Variants in CTNNA3 observed in about 807,000 individuals in gnomAD.
CTNNA3 encodes the protein catenin alpha-3.
In CTNNA3, 76 loss-of-function variants were observed where a neutral mutation model predicts 95.7. That is an observed-to-expected ratio of 0.79 (90% CI 0.66 to 0.96). The LOEUF (loss-of-function observed/expected upper bound fraction) is 0.96. Ranked by LOEUF, CTNNA3 falls within the 40% of genes least tolerant of loss-of-function variation. The pLI, the probability that CTNNA3 is intolerant of heterozygous loss-of-function variation, is 0.00. For synonymous variants in CTNNA3, 431 were observed against 374.4 expected, an observed-to-expected ratio of 1.15 and a Z score of -1.74; for missense variants, 1,191 against 1,089.8, an observed-to-expected ratio of 1.09 and a Z score of -1.31.
intron 13 of CTNNA3, among the ~76,000 whole-genome samples, chr10:66,245,830 C>T (rs2090297159): frequency 6.6e-6 from 1 of 152,230 alleles, no homozygotes; most frequent in African/African-American, 2.4e-5. Context: ...TCTGGTCATA[C>T]TGACATCTCC....
At chr10:66,733,132 T>C (rs989109938) in intron 9 of CTNNA3, among the ~76,000 whole-genome samples, 5 of 152,122 alleles carry the variant, frequency 3.3e-5, no homozygotes, top group Admixed American at 3.3e-4. Flanking sequence ...TCCTTTATTA[T>C]ATTCAAGTAA....
intron 2 of CTNNA3, among the ~76,000 whole-genome samples, chr10:67,609,487 G>A (rs1043793916): frequency 6.6e-6 from 1 of 151,504 alleles, no homozygotes; most frequent in African/African-American, 2.4e-5. Flanking sequence ...GGAAATATGC[G>A]GATGAAAATC....
At position 66,667,705 on chromosome 10, in the gene CTNNA3, C is replaced by G. The variant is rs1846505648; in HGVS notation, c.1282-45921G>C. 5.3e-5 allele frequency among the ~76,000 whole-genome samples: 8 copies of G among 152,130 alleles called. No homozygotes were observed. The South Asian group carries it at 1.7e-3, about 32-fold the overall frequency. On this transcript the variant is annotated intron_variant, in intron 9 of 17. Coordinates refer to ENST00000433211, the MANE Select transcript of CTNNA3 (RefSeq NM_013266.4). The stretch of plus-strand genomic sequence containing the variant: ...TTTAATAATTCTGTGCTGGCTCACT[C>G]TCATTACTTCTTCAATTTATCTATA...
chr10:66,859,550 AC>A (rs1843820580), intron 7 of CTNNA3, among the ~76,000 whole-genome samples: 1 of 151,384 alleles, frequency 6.6e-6, no homozygotes, highest in Admixed American at 6.6e-5. Flanking sequence ...AAATAGGAAC[AC>A]TTTTACACTG....
At chr10:66,247,356 G>A (rs941848674) in intron 13 of CTNNA3, among the ~76,000 whole-genome samples, 2 of 152,122 alleles carry the variant, frequency 1.3e-5, no homozygotes, top group African/African-American at 4.8e-5. Context: ...CTGGGGTTTA[G>A]GGGAATTTGC....
chr10:66,988,675 C>T (rs1372232368), intron 7 of CTNNA3, among the ~76,000 whole-genome samples: 1 of 152,124 alleles, frequency 6.6e-6, no homozygotes, highest in Non-Finnish European at 1.5e-5. Flanking sequence ...ATGTTTAAAA[C>T]CTTTCAGAAC....
At chr10:66,426,156 T>A (rs938023907) in intron 11 of CTNNA3, among the ~76,000 whole-genome samples, 1 of 152,110 alleles carries the variant, frequency 6.6e-6, no homozygotes, top group African/African-American at 2.4e-5. Flanking sequence ...TACTTAGAGC[T>A]ATTATGGTCA....
At chr10:67,490,961 T>C (rs1222282525) in intron 5 of CTNNA3, among the ~76,000 whole-genome samples, 5 of 151,354 alleles carry the variant, frequency 3.3e-5, no homozygotes, top group Non-Finnish European at 7.4e-5. Flanking sequence ...AACAGAAGAG[T>C]TCTAACCAGG....
intron 5 of CTNNA3, among the ~76,000 whole-genome samples, chr10:67,391,318 G>A (rs1039003488): frequency 5.3e-5 from 8 of 151,026 alleles, no homozygotes; most frequent in Admixed American, 1.3e-4. Flanking sequence ...GCTTCAAAGA[G>A]AATAAAATAC....
chr10:67,269,969 G>GCA (rs1838896949), intron 5 of CTNNA3, among the ~76,000 whole-genome samples: 1 of 152,034 alleles, frequency 6.6e-6, no homozygotes, highest in Non-Finnish European at 1.5e-5. Context: ...TGCCTTTGAG[G>GCA]TCTGTACTGA....
At chr10:65,993,796 C>T (rs911875411) in intron 15 of CTNNA3, among the ~76,000 whole-genome samples, 18 of 152,232 alleles carry the variant, frequency 1.2e-4, no homozygotes, top group African/African-American at 3.4e-4. Context: ...AGTACAGTGG[C>T]ACAATCTCAG....
intron 7 of CTNNA3, among the ~76,000 whole-genome samples, chr10:67,171,701 G>A (rs983401086): frequency 1.3e-5 from 2 of 152,060 alleles, no homozygotes; most frequent in Non-Finnish European, 2.9e-5. Context: ...GCAGTGAGCT[G>A]TGATCACATC....
At chr10:67,502,415 G>T (rs947510475) in intron 5 of CTNNA3, among the ~76,000 whole-genome samples, 1 of 152,176 alleles carries the variant, frequency 6.6e-6, no homozygotes, top group African/African-American at 2.4e-5. Context: ...AACTCCTGCT[G>T]GGAAGTGTCT....
Position 67,115,591 on chromosome 10 carries a change from C to A in CTNNA3, c.1047+64726G>T, listed in dbSNP as rs371396896. Among the ~76,000 whole-genome samples, 4 of 151,758 alleles carry A rather than the reference C, an allele frequency of 2.6e-5. No individual in the cohort carries two copies. The East Asian group carries it at 5.8e-4, about 22-fold the overall frequency. ...CAGACTTGAGTAATTCTGAAGCCCA[C>A]AAAATTAGCCACAGGATTTATCTTT... On this transcript the variant is annotated intron_variant, in intron 7 of 17. Coordinates refer to ENST00000433211, the MANE Select transcript of CTNNA3 (RefSeq NM_013266.4).
chr10:66,849,884 T>A (rs1008736241), intron 7 of CTNNA3, among the ~76,000 whole-genome samples: 1 of 143,178 alleles, frequency 7.0e-6, no homozygotes, highest in African/African-American at 2.5e-5. Flanking sequence ...TGAATGTAGA[T>A]TTTGAAATCT....
At chr10:67,657,860 A>G (rs1262266427) in intron 1 of CTNNA3, among the ~76,000 whole-genome samples, 1 of 150,722 alleles carries the variant, frequency 6.6e-6, no homozygotes, top group Non-Finnish European at 1.5e-5. Flanking sequence ...AAAAAAAAAA[A>G]AAAAAAAAAG....
Position 66,444,843 on chromosome 10 carries a change from TG to T in CTNNA3, c.1532-65492del, listed in dbSNP as rs552701498. Among the ~76,000 whole-genome samples the T allele has an allele frequency of 3.6e-3, 555 of 152,282 alleles. 2 individuals carry two copies. Among genetic ancestry groups the T allele is most frequent in the Non-Finnish European group, 6.1e-3 (414 of 68,032 alleles). On this transcript the variant is annotated intron_variant, in intron 11 of 17. Transcript: ENST00000433211. ...CATAACACTTAACTTTAAATGTAAA[TG>T]GGCTAAATGCTCCAATTAAAAGACA...
At chr10:67,497,014 T>C (rs1003631482) in intron 5 of CTNNA3, among the ~76,000 whole-genome samples, 1 of 152,168 alleles carries the variant, frequency 6.6e-6, no homozygotes, top group Non-Finnish European at 1.5e-5. Flanking sequence ...ACACGTGCCA[T>C]GGTGGTTTGC....
chr10:66,743,637 T>C (rs561415618), intron 9 of CTNNA3, among the ~76,000 whole-genome samples: 4 of 152,010 alleles, frequency 2.6e-5, no homozygotes, highest in African/African-American at 4.8e-5. Flanking sequence ...GGGAAAACTG[T>C]ATAGGAAGAA....
Sources: gnomAD v4.1 joint callset for allele counts (sites outside exome capture counted in the v4.1 genomes callset) on GRCh38, gnomAD v4.1.1 for gene constraint, MANE v1.5 for transcripts, NCBI Gene and HGNC (gene_info 2026-07-23, HGNC 2026-07-21) for gene names.